Variants in DNAH8 observed in about 807,000 individuals in gnomAD.
DNAH8 encodes axonemal beta dynein heavy chain 8.
DNAH8 carries 382 observed loss-of-function variants against 562.1 expected under a neutral mutation model. The ratio of observed to expected loss-of-function variants is 0.68; its 90% CI spans 0.63 to 0.74. The LOEUF (loss-of-function observed/expected upper bound fraction) is 0.74. DNAH8 is among the 30% of genes least tolerant of loss of function. The pLI is 0.00. For missense variants in DNAH8, 5,203 were observed against 5,620.4 expected, an observed-to-expected ratio of 0.93 and a Z score of 2.37; for synonymous variants, 1,881 against 1,919.4, an observed-to-expected ratio of 0.98 and a Z score of 0.52.
chr6:38,715,952 A>AT (rs1562521236), intron 1 of DNAH8, among the ~76,000 whole-genome samples: 1 of 25,702 alleles, frequency 3.9e-5, no homozygotes. Flanking sequence ...ATATATATAT[A>AT]TATATATATT....
At chr6:38,791,412 G>T (rs936134504) in intron 20 of DNAH8, 143 bp from the exon 21 acceptor site, 7 of 1,046,896 alleles carry the variant, frequency 6.7e-6, no homozygotes, top group African/African-American at 6.6e-5. Context: ...CTCCTAAAAT[G>T]TTCACCAAAT....
chr6:38,995,558 C>T (rs571483850), intron 88 of DNAH8, among the ~76,000 whole-genome samples: 8 of 152,294 alleles, frequency 5.3e-5, no homozygotes, highest in African/African-American at 1.9e-4. Flanking sequence ...TCTCTGTCAC[C>T]ACTGCAGTCA....
At chr6:38,771,761 T>C (rs920483664) in intron 12 of DNAH8, among the ~76,000 whole-genome samples, 1 of 148,810 alleles carries the variant, frequency 6.7e-6, no homozygotes, top group African/African-American at 2.4e-5. Flanking sequence ...ATTGTACGGA[T>C]AATATCAGTT....
At chr6:38,913,120 A>G (rs2150534376) in intron 66 of DNAH8, among the ~76,000 whole-genome samples, 1 of 152,270 alleles carries the variant, frequency 6.6e-6, no homozygotes, top group South Asian at 2.1e-4. Context: ...CTATTTTCTT[A>G]TATCAATGTT....
intron 41 of DNAH8, among the ~76,000 whole-genome samples, chr6:38,853,633 G>A (rs1318844658): frequency 6.6e-6 from 1 of 152,124 alleles, no homozygotes; most frequent in Non-Finnish European, 1.5e-5. Context: ...GTGTGTGTGT[G>A]TGTGTATTTG....
intron 1 of DNAH8, among the ~76,000 whole-genome samples, chr6:38,718,286 A>T (rs774553474): frequency 3.3e-5 from 5 of 152,058 alleles, no homozygotes; most frequent in Admixed American, 6.5e-5. Context: ...ATCTATATAT[A>T]GTTGGTAAGA....
At chr6:38,909,372 C>A in intron 64 of DNAH8, 146 bp from the exon 65 acceptor site, 1 of 677,668 alleles carries the variant, frequency 1.5e-6, no homozygotes, top group Non-Finnish European at 2.5e-6. Flanking sequence ...TTCATCACAA[C>A]ATTAAATTTA....
rs150073636 is a variant in DNAH8, at chr6:38,786,778, G to A, written c.2409G>A (p.Thr803=). ...ISQLHYALQA[T]LFVRHPETGK... is the part of the protein sequence containing the mutation. ...ATTTATTTGTAGCTTTACAAGCCACGCTTTTTGTGCGACATCCAGAAACAG... is the reference window on the plus strand; with the variant it reads ...ATTTATTTGTAGCTTTACAAGCCACACTTTTTGTGCGACATCCAGAAACAG... Residue 803 remains threonine (T), a synonymous_variant, in exon 18 of 93, where the codon ACG becomes ACA. Transcript: ENST00000327475. 2.4e-4 allele frequency: 392 copies of A among 1,610,782 alleles called. 3 individuals are homozygous for A. The South Asian group carries it at 2.8e-3, about 11-fold the overall frequency.
At chr6:38,944,647 A>T (rs181547430) in intron 79 of DNAH8, among the ~76,000 whole-genome samples, 1 of 152,236 alleles carries the variant, frequency 6.6e-6, no homozygotes, top group Non-Finnish European at 1.5e-5. Flanking sequence ...GGGTATGCCC[A>T]TTTGGCCTGA....
intron 8 of DNAH8, among the ~76,000 whole-genome samples, chr6:38,749,874 C>G (rs1562642761): frequency 6.6e-6 from 1 of 152,022 alleles, no homozygotes; most frequent in Non-Finnish European, 1.5e-5. Flanking sequence ...CTCTGTTGTC[C>G]AGGCTGGAGT....
Position 38,951,444 on chromosome 6 carries a change from A to G in DNAH8, c.12375A>G (p.Thr4125=), listed in dbSNP as rs1761898336. The part of the protein sequence containing the change: ...EKTWEESDTR[T]PLICFLSMGS... ...CTTGGGAAGAAAGTGATACCCGGAC[A>G]CCTCTGATATGCTTCCTGTCCATGG... Residue 4125 remains threonine, a synonymous_variant, in exon 82 of 93, where the codon ACA becomes ACG. Transcript: ENST00000327475. 3 of 1,614,084 alleles carry G rather than the reference A, an allele frequency of 1.9e-6. No individual in the cohort carries two copies. Among genetic ancestry groups the G allele is most frequent in the African/African-American group, 1.3e-5 (1 of 75,010 alleles).
At chr6:38,985,685 A>G (rs1251980269) in intron 87 of DNAH8, among the ~76,000 whole-genome samples, 1 of 152,246 alleles carries the variant, frequency 6.6e-6, no homozygotes, top group African/African-American at 2.4e-5. Context: ...GAAAGAGTCC[A>G]CAAATGGACA....
intron 89 of DNAH8, among the ~76,000 whole-genome samples, chr6:39,009,922 A>G (rs1388635949): frequency 6.6e-6 from 1 of 152,204 alleles, no homozygotes; most frequent in Admixed American, 6.5e-5. Flanking sequence ...ATACACTTTC[A>G]ATAGTTTTAT....
chr6:38,731,327 A>G (rs998775284), intron 4 of DNAH8, among the ~76,000 whole-genome samples: 1 of 152,244 alleles, frequency 6.6e-6, no homozygotes, highest in Non-Finnish European at 1.5e-5. Flanking sequence ...GTTTATATAC[A>G]TATTTTACAA....
chr6:38,926,303 C>A (rs963423658), intron 74 of DNAH8, 93 bp downstream of exon 74: 1 of 1,365,216 alleles, frequency 7.3e-7, no homozygotes, highest in East Asian at 2.4e-5. Flanking sequence ...GTTGTCATCT[C>A]CATGACAAAT....
At chr6:38,792,119 C>T (rs1011756624) in intron 21 of DNAH8, among the ~76,000 whole-genome samples, 5 of 152,078 alleles carry the variant, frequency 3.3e-5, no homozygotes, top group South Asian at 2.1e-4. Flanking sequence ...GGAAGTTTCA[C>T]TCTTGTCACC....
chr6:38,756,541 T>C (rs968297721), intron 10 of DNAH8, among the ~76,000 whole-genome samples: 2 of 152,174 alleles, frequency 1.3e-5, no homozygotes, highest in African/African-American at 2.4e-5. Flanking sequence ...TTATTATACA[T>C]TAAGTTTTAG....
intron 29 of DNAH8, 93 bp downstream of exon 29, chr6:38,826,484 A>T (rs1773333230): frequency 3.7e-6 from 3 of 803,174 alleles, no homozygotes; most frequent in Non-Finnish European, 6.1e-6. Flanking sequence ...TAACATATTC[A>T]TCTATTATGT....
chr6:38,819,894 A>G (rs1251018282), intron 26 of DNAH8, among the ~76,000 whole-genome samples: 1 of 152,242 alleles, frequency 6.6e-6, no homozygotes, highest in African/African-American at 2.4e-5. Context: ...TAAGGTATTT[A>G]ACAAATAAAT....
Sources: allele counts gnomAD v4.1 joint callset (sites outside exome capture counted in the v4.1 genomes callset), GRCh38; gene constraint gnomAD v4.1.1; transcripts MANE v1.5; gene names NCBI Gene and HGNC (gene_info 2026-07-23, HGNC 2026-07-21).